TMEM131L: variants seen among roughly 807,000 people sequenced by gnomAD.
TMEM131L encodes the protein transmembrane protein 131-like.
Under a neutral mutation model 192.2 loss-of-function variants are expected in TMEM131L, and 54 were observed. That is an observed-to-expected ratio of 0.28 (90% confidence interval 0.23 to 0.35). TMEM131L has a LOEUF of 0.35. TMEM131L is among the 10% of genes least tolerant of loss of function. TMEM131L has a pLI of 1.00. For missense variants in TMEM131L, 1,888 were observed against 1,972.9 expected, an observed-to-expected ratio of 0.96 and a Z score of 0.82; for synonymous variants, 701 against 704.9, an observed-to-expected ratio of 0.99 and a Z score of 0.09.
At chr4:153,557,444 A>G (rs989374865) in intron 6 of TMEM131L, among the ~76,000 whole-genome samples, 2 of 152,112 alleles carry the variant, frequency 1.3e-5, no homozygotes, top group Non-Finnish European at 2.9e-5. Flanking sequence ...GTCTCTAGTG[A>G]TTTTGCCTAC....
At chr4:153,579,781 T>G (rs1730207903) in intron 7 of TMEM131L, among the ~76,000 whole-genome samples, 1 of 152,124 alleles carries the variant, frequency 6.6e-6, no homozygotes, top group African/African-American at 2.4e-5. Context: ...TGACCTATTC[T>G]TTTTTTTCTG....
chr4:153,619,818 A>T (rs1168507316), intron 26 of TMEM131L, among the ~76,000 whole-genome samples: 1 of 152,218 alleles, frequency 6.6e-6, no homozygotes, highest in Non-Finnish European at 1.5e-5. Context: ...TTTGCTTTCC[A>T]TGAAGTGTGA....
At chr4:153,635,594 C>T (rs573532336) in intron 34 of TMEM131L, 23 bp downstream of exon 34, 20 of 1,613,304 alleles carry the variant, frequency 1.2e-5, no homozygotes, top group Admixed American at 3.3e-5. Context: ...CATCCTGTGC[C>T]GTGAACCCCT....
chr4:153,509,052 CT>C (rs1734176548), intron 3 of TMEM131L, among the ~76,000 whole-genome samples: 2 of 151,968 alleles, frequency 1.3e-5, no homozygotes, highest in South Asian at 4.2e-4. Flanking sequence ...AATAACACAT[CT>C]TAAAAAGAGG....
Position 153,602,629 on chromosome 4 carries a change from T to C in TMEM131L, c.2541T>C (p.Asn847=), listed in dbSNP as rs1248761912. Residue 847 remains asparagine (N), a synonymous_variant, in exon 23 of 35, where the codon AAT becomes AAC. Transcript: ENST00000409959. ...ACCTAGAATTTCGCTTCACTCTCAA[T>C]GTGACTCTCCCTCATCACCTGTTGC... The part of the protein sequence containing the change: ...AADLEFRFTL[N]VTLPHHLLPL... 6.2e-7 allele frequency: 1 copy of C among 1,614,100 alleles called. No homozygotes were observed.
chr4:153,474,973 A>G (rs1731425688), intron 3 of TMEM131L, among the ~76,000 whole-genome samples: 3 of 150,226 alleles, frequency 2.0e-5, no homozygotes, highest in Admixed American at 1.3e-4. Flanking sequence ...GATAACTTGC[A>G]AGGACTACGC....
At position 153,632,596 on chromosome 4, in the gene TMEM131L, A is replaced by G; in HGVS notation, c.4208-122A>G. 3.0e-6 allele frequency: 3 copies of G among 1,003,164 alleles called. No individual in the cohort carries two copies. The South Asian group carries it at 4.7e-5, about 16-fold the overall frequency. 62.1% of individuals were successfully genotyped at this position (1,003,164 alleles called of 1,614,324 possible). A position where few individuals can be genotyped will look rare whatever the true frequency, so the allele number is the denominator to read the frequency against. ...TATCCTGAAATTATATTCCGAAAGG[A>G]GTTAGTCAGCATGTGTGGGTGACAT... On this transcript the variant is annotated intron_variant, in intron 31 of 34. Transcript: ENST00000409959.
intron 26 of TMEM131L, among the ~76,000 whole-genome samples, chr4:153,617,217 T>C (rs910568521): frequency 3.9e-5 from 6 of 152,204 alleles, no homozygotes; most frequent in Non-Finnish European, 8.8e-5. Context: ...TCTTGTCTGC[T>C]GCCATGTGAG....
intron 19 of TMEM131L, among the ~76,000 whole-genome samples, chr4:153,595,650 C>G (rs556704221): frequency 4.9e-3 from 726 of 149,278 alleles, no homozygotes; most frequent in Non-Finnish European, 7.2e-3. Context: ...AGGGAAAGTC[C>G]ACTTACCAAA....
chr4:153,571,482 C>T (rs1175222022), intron 7 of TMEM131L, among the ~76,000 whole-genome samples: 5 of 152,140 alleles, frequency 3.3e-5, no homozygotes, highest in Non-Finnish European at 7.4e-5. Flanking sequence ...TGGTAGAGCT[C>T]CTTAATTGTT....
intron 3 of TMEM131L, among the ~76,000 whole-genome samples, chr4:153,506,104 T>C (rs1733966543): frequency 6.6e-6 from 1 of 152,222 alleles, no homozygotes; most frequent in Non-Finnish European, 1.5e-5. Context: ...CGAACTAATA[T>C]TTAAAATCCA....
At chr4:153,481,452 A>G (rs948077485) in intron 3 of TMEM131L, among the ~76,000 whole-genome samples, 2 of 152,230 alleles carry the variant, frequency 1.3e-5, no homozygotes, top group Admixed American at 1.3e-4. Context: ...TATGTTTTGC[A>G]CGTCCTCCAC....
intron 32 of TMEM131L, 76 bp from the exon 33 acceptor site, chr4:153,634,116 T>C: frequency 8.0e-7 from 1 of 1,249,472 alleles, no homozygotes; most frequent in South Asian, 1.2e-5. Context: ...TGCTAGGCAG[T>C]AAAATCATTT....
At chr4:153,553,098 A>G (rs10011687) in intron 4 of TMEM131L, among the ~76,000 whole-genome samples, 28,512 of 152,010 alleles carry the variant, frequency 0.19, 2,855 homozygotes, top group African/African-American at 0.25. Context: ...AAAGTCTTTG[A>G]TTTGAAAGGA....
At chr4:153,467,662 A>C (rs929691308) in intron 2 of TMEM131L, among the ~76,000 whole-genome samples, 1 of 152,236 alleles carries the variant, frequency 6.6e-6, no homozygotes, top group Non-Finnish European at 1.5e-5. Context: ...CATAAATGTT[A>C]GAGTGGTATT....
At chr4:153,516,506 A>G (rs1172427176) in intron 3 of TMEM131L, among the ~76,000 whole-genome samples, 1 of 152,206 alleles carries the variant, frequency 6.6e-6, no homozygotes, top group Non-Finnish European at 1.5e-5. Flanking sequence ...CTGGGATTAC[A>G]GATGTGAGCC....
rs1315599375 is a variant in TMEM131L at position 153,580,836 on chromosome 4, C to G, written c.671C>G (p.Thr224Ser). 1 of 1,610,338 alleles carries G rather than the reference C, an allele frequency of 6.2e-7. No homozygotes were observed. The highest frequency in any genetic ancestry group is 1.3e-5 in the African/African-American group (1 of 74,812). The change falls in exon 8 of 35, where the codon ACT (threonine) becomes AGT (serine). Residue 224 changes from threonine to serine, a missense_variant. Transcript: ENST00000409959. ...TTTTTCTTCTTTTAGGCAGAAACCA[C>G]TAATACTAGCCTCTTGCAGGTGCAA... ...IQLSQMQAET[T>S]NTSLLQVQLE...
At position 153,591,105 on chromosome 4, in the gene TMEM131L, T is replaced by C; in HGVS notation, c.1723T>C (p.Ser575Pro). ...RFAHLKKSKE[S>P]ESFVFFLPRL... ...TGCTCACTTGAAGAAATCCAAGGAGTCAGAGTCCTTTGTTTTCTTTTTGCC... is the reference window on the plus strand; with the variant it reads ...TGCTCACTTGAAGAAATCCAAGGAGCCAGAGTCCTTTGTTTTCTTTTTGCC... Residue 575 changes from serine (S) to proline (P), a missense_variant, in exon 17 of 35, where the codon TCA becomes CCA. Ser to Pro is a moderately conservative substitution (Grantham distance 74). Coordinates refer to ENST00000409959, the MANE Select transcript of TMEM131L (RefSeq NM_001131007.2). 6.2e-7 allele frequency: 1 copy of C among 1,609,822 alleles called. No homozygotes were observed. Among genetic ancestry groups the C allele is most frequent in the South Asian group, 1.1e-5 (1 of 90,602 alleles).
chr4:153,576,128 T>G (rs1206186761), intron 7 of TMEM131L, among the ~76,000 whole-genome samples: 1 of 151,986 alleles, frequency 6.6e-6, no homozygotes, highest in Admixed American at 6.6e-5. Flanking sequence ...CCCGGCTGAT[T>G]TTTTGTATTT....
Sources: gnomAD v4.1 joint callset for allele counts (sites outside exome capture counted in the v4.1 genomes callset) on GRCh38, gnomAD v4.1.1 for gene constraint, MANE v1.5 for transcripts, NCBI Gene and HGNC (gene_info 2026-07-23, HGNC 2026-07-21) for gene names.